The following FAM53B variants were observed in gnomAD, a reference collection of about 807,000 sequenced individuals.
FAM53B encodes the protein family with sequence similarity 53 member B.
FAM53B carries 12 observed loss-of-function variants against 32.7 expected under a neutral mutation model. The ratio of observed to expected loss-of-function variants is 0.37; its 90% CI spans 0.24 to 0.59. The LOEUF is 0.59. Among genes scored for constraint, FAM53B ranks in the 20% least tolerant of loss-of-function variants. The pLI is 0.72. For missense variants in FAM53B, 477 were observed against 577.7 expected, an observed-to-expected ratio of 0.83 and a Z score of 1.79; for synonymous variants, 234 against 228.7, an observed-to-expected ratio of 1.02 and a Z score of -0.21.
rs374216962 is a variant in FAM53B, at chr10:124,671,025, G to A, written c.906+10582C>T. 1.5e-4 allele frequency: 61 copies of A among 408,260 alleles called. No individual in the cohort carries two copies. In the East Asian group the frequency reaches 2.5e-3, roughly 17 times the overall value. The allele number at this position is 408,260 out of a possible 1,614,324, so 25.3% of individuals were successfully genotyped here. On this transcript the variant is annotated intron_variant, in intron 4 of 4. Transcript: ENST00000337318. ...CGATGCGCGCTAGAAGAGATCTCCC[G>A]CCCCGCTGGAGAACGTTAGACAGCG...
intron 1 of FAM53B, among the ~76,000 whole-genome samples, chr10:124,728,440 C>G (rs534792245): frequency 6.6e-6 from 1 of 152,334 alleles, no homozygotes; most frequent in African/African-American, 2.4e-5. Flanking sequence ...CTGGCCTCGC[C>G]CACGAGGTGG....
At chr10:124,641,759 G>T (rs368064772) in intron 4 of FAM53B, among the ~76,000 whole-genome samples, 1 of 152,134 alleles carries the variant, frequency 6.6e-6, no homozygotes, top group Non-Finnish European at 1.5e-5. Context: ...CTTGACCCTC[G>T]GTCCCAGGTG....
At chr10:124,708,699 G>A (rs1197640709) in intron 1 of FAM53B, among the ~76,000 whole-genome samples, 3 of 152,252 alleles carry the variant, frequency 2.0e-5, no homozygotes, top group African/African-American at 4.8e-5. Context: ...CTCAGTGGTG[G>A]AAGCCTAATG....
At chr10:124,665,093 C>T (rs1949660862) in intron 4 of FAM53B, among the ~76,000 whole-genome samples, 1 of 152,364 alleles carries the variant, frequency 6.6e-6, no homozygotes, top group East Asian at 1.9e-4. Flanking sequence ...GCTCTTGGAC[C>T]CTCATTGAGA....
At chr10:124,688,529 A>C (rs1303629261) in intron 3 of FAM53B, among the ~76,000 whole-genome samples, 1 of 152,250 alleles carries the variant, frequency 6.6e-6, no homozygotes, top group Non-Finnish European at 1.5e-5. Context: ...AGTCTTGGAC[A>C]GACTAGGTAA....
chr10:124,710,251 C>T (rs528125470), intron 1 of FAM53B, among the ~76,000 whole-genome samples: 4 of 152,370 alleles, frequency 2.6e-5, no homozygotes, highest in African/African-American at 9.6e-5. Flanking sequence ...AGGTTAGAAG[C>T]TGGAGCTGGC....
intron 1 of FAM53B, among the ~76,000 whole-genome samples, chr10:124,741,243 G>C (rs920218478): frequency 1.3e-5 from 2 of 152,322 alleles, no homozygotes; most frequent in South Asian, 4.1e-4. Flanking sequence ...TGGTAATGAT[G>C]GGGGTTGTGC....
Position 124,622,656 on chromosome 10 carries a change from T to A in FAM53B, c.*586A>T, listed in dbSNP as rs989768248. ...CACCCCAGGGATTCTGTCTCTCACATTGGAATTAAGGCCAAATGGTTCTGG... is the reference window on the plus strand; with the variant it reads ...CACCCCAGGGATTCTGTCTCTCACAATGGAATTAAGGCCAAATGGTTCTGG... On this transcript the variant is annotated 3_prime_UTR_variant, in exon 5 of 5. Transcript: ENST00000337318. 6.6e-6 allele frequency: 1 copy of A among 152,534 alleles called. No homozygotes were observed. The highest frequency in any genetic ancestry group is 2.4e-5 in the African/African-American group (1 of 41,442). The allele number at this position is 152,534 out of a possible 1,614,324, so 9.4% of individuals were successfully genotyped here. A position where few individuals can be genotyped will look rare whatever the true frequency, so the allele number is the denominator to read the frequency against.
chr10:124,700,173 G>A lies in FAM53B; in HGVS notation c.79-3961C>T, dbSNP rs1949905851. Among the ~76,000 whole-genome samples the A allele has an allele frequency of 1.3e-5, 2 of 152,216 alleles. 1 individual carries two copies. The highest frequency in any genetic ancestry group is 4.1e-4 in the South Asian group (2 of 4,838). On this transcript the variant is annotated intron_variant, in intron 2 of 4. Transcript: ENST00000337318. ...ACCCTGACCGCTGGCAGGTTTCCCTGGTCCAACTCCACATGGGCAAACCAG... is the reference window on the plus strand; with the variant it reads ...ACCCTGACCGCTGGCAGGTTTCCCTAGTCCAACTCCACATGGGCAAACCAG...
chr10:124,701,482 G>A (rs1362592408), intron 2 of FAM53B, among the ~76,000 whole-genome samples: 2 of 152,264 alleles, frequency 1.3e-5, no homozygotes, highest in African/African-American at 4.8e-5. Context: ...TCAGCCTTAA[G>A]GGAGGATGGG....
At chr10:124,718,827 T>C (rs1358712790) in intron 1 of FAM53B, among the ~76,000 whole-genome samples, 4 of 152,164 alleles carry the variant, frequency 2.6e-5, no homozygotes, top group African/African-American at 9.7e-5. Flanking sequence ...GCAGGTGAAA[T>C]GCTTGAGCCC....
chr10:124,675,914 A>G (rs982433596), intron 4 of FAM53B, among the ~76,000 whole-genome samples: 2 of 152,226 alleles, frequency 1.3e-5, no homozygotes, highest in African/African-American at 4.8e-5. Flanking sequence ...ATGACGTTCA[A>G]TTACCCATCA....
intron 4 of FAM53B, among the ~76,000 whole-genome samples, chr10:124,631,304 G>C (rs1176767572): frequency 6.6e-6 from 1 of 152,214 alleles, no homozygotes; most frequent in African/African-American, 2.4e-5. Context: ...GGCCTCCGGA[G>C]GCTGAAGGAG....
intron 4 of FAM53B, among the ~76,000 whole-genome samples, chr10:124,640,660 G>A (rs947686521): frequency 6.6e-6 from 1 of 152,168 alleles, no homozygotes; most frequent in African/African-American, 2.4e-5. Context: ...TTTACCCTGA[G>A]CTCCATGGGA....
At chr10:124,723,935 C>T (rs1386094968) in intron 1 of FAM53B, among the ~76,000 whole-genome samples, 1 of 152,254 alleles carries the variant, frequency 6.6e-6, no homozygotes, top group African/African-American at 2.4e-5. Context: ...CTGTGTTGTG[C>T]TTCTCTCTGG....
intron 3 of FAM53B, among the ~76,000 whole-genome samples, chr10:124,694,949 T>C (rs1949859614): frequency 6.6e-6 from 1 of 152,174 alleles, no homozygotes; most frequent in South Asian, 2.1e-4. Flanking sequence ...CTGAGGGACC[T>C]TGCAGAGGGC....
At chr10:124,666,845 G>A (rs950346521) in intron 4 of FAM53B, among the ~76,000 whole-genome samples, 3 of 152,220 alleles carry the variant, frequency 2.0e-5, no homozygotes, top group Non-Finnish European at 4.4e-5. Flanking sequence ...GACAGCCTGT[G>A]GGCACCAGAC....
At chr10:124,671,861 T>G (rs1255855593) in intron 4 of FAM53B, among the ~76,000 whole-genome samples, 1 of 152,162 alleles carries the variant, frequency 6.6e-6, no homozygotes, top group Non-Finnish European at 1.5e-5. Flanking sequence ...GCATTGTTAA[T>G]CTTTTGGCCA....
chr10:124,706,313 C>T (rs1272498174), intron 2 of FAM53B, among the ~76,000 whole-genome samples: 3 of 152,226 alleles, frequency 2.0e-5, no homozygotes, highest in Non-Finnish European at 2.9e-5. Context: ...AAACCACCCC[C>T]CCTTAATGGG....
Sources: gnomAD v4.1 joint callset for allele counts (sites outside exome capture counted in the v4.1 genomes callset) on GRCh38, gnomAD v4.1.1 for gene constraint, MANE v1.5 for transcripts, NCBI Gene and HGNC (gene_info 2026-07-23, HGNC 2026-07-21) for gene names.